DEGS2: variants seen among roughly 807,000 people sequenced by gnomAD.
The protein encoded by DEGS2 is sphingolipid delta(4)-desaturase/C4-monooxygenase DES2.
In DEGS2, 19 loss-of-function variants were observed where a neutral mutation model predicts 23.8. The observed-to-expected ratio is 0.80, with a 90% CI of 0.56 to 1.17. The LOEUF is 1.17. DEGS2 is among the 50% of genes most tolerant of loss of function. DEGS2 has a pLI of 0.00. For missense variants in DEGS2, 390 were observed against 459.5 expected (o/e 0.85, Z 1.38); for synonymous variants, 218 against 213.7 (o/e 1.02, Z -0.18).
In DEGS2 at chr14:100,149,481, GCGTGCCGCACGGCC is replaced by G. The variant is rs1566741016; in HGVS notation, c.298_311del (p.Gly100GlnfsTer199). 2 of 1,596,988 alleles carry G rather than the reference GCGTGCCGCACGGCC, an allele frequency of 1.3e-6. No individual in the cohort carries two copies. Among genetic ancestry groups the G allele is most frequent in the Non-Finnish European group, 1.7e-6 (2 of 1,172,346 alleles). On this transcript the variant is annotated frameshift_variant, in exon 2 of 3. Transcript: ENST00000305631. LOFTEE classifies it high-confidence loss of function. ...TGGCGAACACGGCCAGCCAGCGGTT[GCGTGCCGCACGGCC>G]CGTGCCGAAGGCCGCGTTGTGCGAG... is the stretch of plus-strand genomic sequence containing the variant.
At position 100,149,718 on chromosome 14, in the gene DEGS2, G is replaced by T. The variant is rs556653486; in HGVS notation, c.83-8C>A. ...TGATGGCCGGGTACTTGGCTGCAAG[G>T]AAGACAGGGAGGTATGAGGCCCCGC... On this transcript the variant is annotated splice_region_variant and splice_polypyrimidine_tract_variant and intron_variant, in intron 1 of 2. Coordinates refer to ENST00000305631, the MANE Select transcript of DEGS2 (RefSeq NM_206918.3). 626 of 1,589,124 alleles carry T rather than the reference G, an allele frequency of 3.9e-4. 7 individuals carry two copies. The South Asian group carries it at 6.7e-3, about 17-fold the overall frequency.
At position 100,149,609 on chromosome 14, in the gene DEGS2, G is replaced by A. The variant is rs1889529174; in HGVS notation, c.184C>T (p.Arg62Cys). 4.3e-6 allele frequency: 7 copies of A among 1,610,762 alleles called. No individual in the cohort carries two copies. Among genetic ancestry groups the A allele is most frequent in the Non-Finnish European group, 5.1e-6 (6 of 1,179,294 alleles). ...LVQMLACWLV[R>C]GLAWRWLLFW... ...AGCAGCCAGCGCCAGGCCAGCCCGC[G>A]CACCAGCCAGCAGGCCAGCATCTGC... The change falls in exon 2 of 3, where the codon CGC (arginine) becomes TGC (cysteine). Residue 62 changes from arginine (R) to cysteine (C), a missense_variant. Physicochemically the swap from Arg to Cys is radical, Grantham distance 180. Coordinates refer to ENST00000305631, the MANE Select transcript of DEGS2 (RefSeq NM_206918.3).
Position 100,149,508 on chromosome 14 carries a change from C to T in DEGS2, c.285G>A (p.Ala95=), listed in dbSNP as rs753382176. The change falls in exon 2 of 3, where the codon GCG becomes GCA. Residue 95 remains alanine (A), a synonymous_variant. Coordinates refer to ENST00000305631, the MANE Select transcript of DEGS2 (RefSeq NM_206918.3). ...GTGCCGCACGGCCCGTGCCGAAGGC[C>T]GCGTTGTGCGAGATGTCGTGGATGG... The part of the protein sequence containing the change: ...TLAIHDISHN[A]AFGTGRAARN... The T allele has an allele frequency of 3.1e-6, 5 of 1,600,448 alleles. No individual in the cohort carries two copies. Among genetic ancestry groups the T allele is most frequent in the East Asian group, 2.2e-5 (1 of 44,450 alleles).
chr14:100,165,515 T>C, the DEGS2 span, among the ~76,000 whole-genome samples: 2 of 152,202 alleles, frequency 1.3e-5, no homozygotes, highest in Non-Finnish European at 2.9e-5. Context: ...TTTCAAGCAG[T>C]GGGCGCAGCT....
Position 100,159,555 on chromosome 14 carries a change from C to T in DEGS2, c.33G>A (p.Glu11=). The change falls in exon 1 of 3, where the codon GAG becomes GAA. Residue 11 remains glutamate, a synonymous_variant. Transcript: ENST00000305631. The stretch of plus-strand genomic sequence containing the variant: ...TGTGCGGCTGGTCGGTGTAGACCCA[C>T]TCGAAGTCGCTGCGGCTCGCGCTGT... MGNSASRSDF[E]WVYTDQPHTQ... 6.6e-7 allele frequency: 1 copy of T among 1,507,312 alleles called. No individual in the cohort carries two copies. The highest frequency in any genetic ancestry group is 2.2e-5 in the Admixed American group (1 of 46,494). 93.4% of individuals were successfully genotyped at this position (1,507,312 alleles called of 1,614,324 possible). A position where few individuals can be genotyped will look rare whatever the true frequency, so the allele number is the denominator to read the frequency against.
At chr14:100,166,417 C>T in the DEGS2 span, among the ~76,000 whole-genome samples, 3 of 150,022 alleles carry the variant, frequency 2.0e-5, no homozygotes, top group Non-Finnish European at 4.5e-5. Flanking sequence ...AGTGTGAGGA[C>T]CCCCGCCCCC....
At chr14:100,156,044 G>A (rs921775025) in intron 1 of DEGS2, among the ~76,000 whole-genome samples, 2 of 152,204 alleles carry the variant, frequency 1.3e-5, no homozygotes, top group African/African-American at 4.8e-5. Context: ...CCCCCTCCCC[G>A]GCAGGAGCTG....
In DEGS2 at chr14:100,149,124, G is replaced by GT; in HGVS notation, c.668dup (p.His223GlnfsTer81). 6.2e-7 allele frequency: 1 copy of GT among 1,613,038 alleles called. No homozygotes were observed. The highest frequency in any genetic ancestry group is 8.5e-7 in the Non-Finnish European group (1 of 1,180,012). On this transcript the variant is annotated frameshift_variant, in exon 2 of 3. Transcript: ENST00000305631. LOFTEE classifies it high-confidence loss of function. ...CGGCCACGAAGTGGCCCGAGATGGG[G>GT]TGCAGGCCCAGGCCCAGGAAGGAGC...
At chr14:100,148,061 C>T (rs1311047538) in intron 2 of DEGS2, among the ~76,000 whole-genome samples, 4 of 152,156 alleles carry the variant, frequency 2.6e-5, no homozygotes, top group Non-Finnish European at 4.4e-5. Flanking sequence ...AGGCCACGGC[C>T]CAGGCTTGGA....
upstream of DEGS2, among the ~76,000 whole-genome samples, chr14:100,160,938 G>A (rs950352972): frequency 2.0e-5 from 3 of 152,168 alleles, no homozygotes; most frequent in Non-Finnish European, 4.4e-5. Context: ...GAGGCCTCCC[G>A]GCCCAGCTTG....
At chr14:100,150,387 A>ACCCC (rs778863717) in intron 1 of DEGS2, among the ~76,000 whole-genome samples, 45 of 92,306 alleles carry the variant, frequency 4.9e-4, no homozygotes, top group East Asian at 6.6e-4. Context: ...CCACCCCAAC[A>ACCCC]CCCCCCCCCG....
rs1370162371 is a variant in DEGS2 at position 100,145,310 on chromosome 14, G to C, written c.*1451C>G. On this transcript the variant is annotated 3_prime_UTR_variant, in exon 3 of 3. Coordinates refer to ENST00000305631, the MANE Select transcript of DEGS2 (RefSeq NM_206918.3). ...TCTGGGTTCCCCTCAGCCTGTGGGCGGGCCTGTGTGCACAGGGAGGGGCCG... is the reference window on the plus strand; with the variant it reads ...TCTGGGTTCCCCTCAGCCTGTGGGCCGGCCTGTGTGCACAGGGAGGGGCCG... 1 of 152,252 alleles carries C rather than the reference G, an allele frequency of 6.6e-6. No homozygotes were observed. Among genetic ancestry groups the C allele is most frequent in the African/African-American group, 2.4e-5 (1 of 41,444 alleles). 9.4% of individuals were successfully genotyped at this position (152,252 alleles called of 1,614,324 possible).
the DEGS2 span, among the ~76,000 whole-genome samples, chr14:100,166,373 T>TGTGGGGGAGCCTGCCCGGGGAA: frequency 8.7e-6 from 1 of 114,932 alleles, no homozygotes; most frequent in Non-Finnish European, 1.9e-5. Flanking sequence ...TGCCCGGGGC[T>TGTGGGGGAGCCTGCCCGGGGAA]GTGGGGGAGG....
intron 1 of DEGS2, among the ~76,000 whole-genome samples, chr14:100,154,069 A>C (rs1889618117): frequency 6.6e-6 from 1 of 152,194 alleles, no homozygotes; most frequent in Non-Finnish European, 1.5e-5. Context: ...CACCCAGAGA[A>C]AATTCTGGAT....
chr14:100,158,198 C>T (rs928113230), intron 1 of DEGS2, among the ~76,000 whole-genome samples: 2 of 151,962 alleles, frequency 1.3e-5, no homozygotes, highest in South Asian at 4.2e-4. Context: ...CCCTCGAGCT[C>T]GGAAGTTTGA....
intron 2 of DEGS2, among the ~76,000 whole-genome samples, chr14:100,148,192 G>A (rs1889489320): frequency 6.6e-6 from 1 of 152,204 alleles, no homozygotes; most frequent in African/African-American, 2.4e-5. Context: ...CGCACGCCCA[G>A]GCACACATGC....
intron 1 of DEGS2, among the ~76,000 whole-genome samples, chr14:100,156,637 A>C (rs1355141777): frequency 6.6e-6 from 1 of 152,186 alleles, no homozygotes; most frequent in Non-Finnish European, 1.5e-5. Context: ...AAGCTCTTGA[A>C]CTGTGCCCCA....
rs1485192973 is a variant in DEGS2, at chr14:100,145,297, T to A, written c.*1464A>T. 1 of 152,248 alleles carries A rather than the reference T, an allele frequency of 6.6e-6. No individual in the cohort carries two copies. The highest frequency in any genetic ancestry group is 1.5e-5 in the Non-Finnish European group (1 of 68,054). The allele number at this position is 152,248 out of a possible 1,614,324, so 9.4% of individuals were successfully genotyped here. A position where few individuals can be genotyped will look rare whatever the true frequency, so the allele number is the denominator to read the frequency against. ...GAGGAGCGGGTGCTCTGGGTTCCCC[T>A]CAGCCTGTGGGCGGGCCTGTGTGCA... On this transcript the variant is annotated 3_prime_UTR_variant, in exon 3 of 3. Transcript: ENST00000305631.
At chr14:100,150,229 T>C (rs936623256) in intron 1 of DEGS2, among the ~76,000 whole-genome samples, 3 of 152,254 alleles carry the variant, frequency 2.0e-5, no homozygotes, top group African/African-American at 7.2e-5. Context: ...GGAAGTCGCA[T>C]GCAAAGTCCC....
Sources: allele counts gnomAD v4.1 joint callset (sites outside exome capture counted in the v4.1 genomes callset), GRCh38; gene constraint gnomAD v4.1.1; transcripts MANE v1.5; gene names NCBI Gene and HGNC (gene_info 2026-07-23, HGNC 2026-07-21).